The following SCAPER variants were observed in gnomAD, a reference collection of about 807,000 sequenced individuals.
The protein encoded by SCAPER is S-phase cyclin A associated protein in the ER.
SCAPER carries 98 observed loss-of-function variants against 182.2 expected under a neutral mutation model. That is an observed-to-expected ratio of 0.54 (90% CI 0.46 to 0.64). SCAPER has a LOEUF of 0.64. SCAPER is among the 30% of genes least tolerant of loss of function. SCAPER has a pLI of 0.00. For synonymous variants in SCAPER, 605 were observed against 564.6 expected (o/e 1.07, Z -1.01); for missense variants, 1,432 against 1,690.0 (o/e 0.85, Z 2.68).
rs545712525 is a variant in SCAPER at position 76,701,093 on chromosome 15, C to T, written c.2508+665G>A. The stretch of plus-strand genomic sequence containing the variant: ...ATGCTCTTGACTAATGAATGCCATA[C>T]CTAAAAAAAAAAAAAAGTTCAATAT... On this transcript the variant is annotated intron_variant, in intron 20 of 31. Transcript: ENST00000563290. Among the ~76,000 whole-genome samples, 273 of 54,648 alleles carry T rather than the reference C, an allele frequency of 5.0e-3. 2 individuals carry two copies. The highest frequency in any genetic ancestry group is 0.011 in the African/African-American group (254 of 23,344). The allele number at this position is 54,648 out of a possible 152,430, so 35.9% of individuals were successfully genotyped here.
chr15:76,704,083 A>G (rs1266988682), intron 18 of SCAPER, among the ~76,000 whole-genome samples: 1 of 152,248 alleles, frequency 6.6e-6, no homozygotes, highest in East Asian at 1.9e-4. Context: ...CTATAATTAT[A>G]CAATTCATAA....
In SCAPER at chr15:76,882,157, G is replaced by A. The variant is rs141874022; in HGVS notation, c.6+1655C>T. Among the ~76,000 whole-genome samples the A allele has an allele frequency of 6.7e-3, 1,017 of 152,262 alleles. 16 individuals are homozygous for A. The highest frequency in any genetic ancestry group is 0.023 in the African/African-American group (938 of 41,544). ...TGCCTGTAATCCCAGCCCTGTGGAA[G>A]AAGGCCAAAGCAGGAGGATCACTTG... On this transcript the variant is annotated intron_variant, in intron 2 of 31. Coordinates refer to ENST00000563290, the MANE Select transcript of SCAPER (RefSeq NM_020843.4).
At chr15:76,505,797 T>C (rs533749279) in intron 23 of SCAPER, among the ~76,000 whole-genome samples, 3 of 152,244 alleles carry the variant, frequency 2.0e-5, no homozygotes, top group East Asian at 1.9e-4. Flanking sequence ...CTCTCCCATA[T>C]TTACTACAGC....
intron 21 of SCAPER, among the ~76,000 whole-genome samples, chr15:76,664,515 T>C (rs936115167): frequency 6.6e-6 from 1 of 152,124 alleles, no homozygotes; most frequent in African/African-American, 2.4e-5. Context: ...CAGGTTTGTT[T>C]TGGACATACT....
At chr15:76,368,510 G>C (rs2041950954) in intron 29 of SCAPER, among the ~76,000 whole-genome samples, 1 of 152,232 alleles carries the variant, frequency 6.6e-6, no homozygotes, top group African/African-American at 2.4e-5. Context: ...ATGCAGCTCA[G>C]GCAGAACCAA....
In SCAPER at chr15:76,621,754, G is replaced by T; in HGVS notation, c.2711+10C>A. On this transcript the variant is annotated intron_variant, in intron 22 of 31. Transcript: ENST00000563290. ...TGAAGAAAAGGAGAACTAAAATGTGGAATACTCACTTTGCTTTATAAGGTG... is the reference window on the plus strand; with the variant it reads ...TGAAGAAAAGGAGAACTAAAATGTGTAATACTCACTTTGCTTTATAAGGTG... The T allele has an allele frequency of 6.3e-7, 1 of 1,598,850 alleles. No homozygotes were observed. The highest frequency in any genetic ancestry group is 8.5e-7 in the Non-Finnish European group (1 of 1,171,564).
chr15:76,608,093 C>G (rs529519515), intron 22 of SCAPER, among the ~76,000 whole-genome samples: 1 of 152,170 alleles, frequency 6.6e-6, no homozygotes, highest in South Asian at 2.1e-4. Context: ...GAGAGGCGCT[C>G]TGATTTTTAG....
At chr15:76,438,606 G>A (rs758979847) in intron 25 of SCAPER, among the ~76,000 whole-genome samples, 15 of 152,204 alleles carry the variant, frequency 9.9e-5, no homozygotes, top group Admixed American at 9.2e-4. Flanking sequence ...CAATCTAGCA[G>A]TTACACAAAG....
intron 25 of SCAPER, among the ~76,000 whole-genome samples, chr15:76,465,342 T>C (rs911111030): frequency 6.6e-5 from 10 of 152,112 alleles, no homozygotes; most frequent in African/African-American, 2.2e-4. Context: ...ATAAGGGTTC[T>C]GAAAGTATTC....
At position 76,681,078 on chromosome 15, in the gene SCAPER, A is replaced by T. The variant is rs570998075; in HGVS notation, c.2509-15289T>A. The stretch of plus-strand genomic sequence containing the variant: ...GGTGATAAATTTGTTCACTATCTTG[A>T]TCATGGTGATGGTTCCATGGTGTTA... On this transcript the variant is annotated intron_variant, in intron 20 of 31. Transcript: ENST00000563290. 2.6e-5 allele frequency among the ~76,000 whole-genome samples: 4 copies of T among 152,270 alleles called. No individual in the cohort carries two copies. The East Asian group carries it at 7.7e-4, about 29-fold the overall frequency.
rs572261583 is a variant in SCAPER at position 76,687,686 on chromosome 15, C to T, written c.2508+14072G>A. On this transcript the variant is annotated intron_variant, in intron 20 of 31. Coordinates refer to ENST00000563290, the MANE Select transcript of SCAPER (RefSeq NM_020843.4). ...GCTCCCACTTATGAGTGAGAACATG[C>T]GGTGTTTGGTTTTCTGTTCTTGTGT... 8.0e-4 allele frequency among the ~76,000 whole-genome samples: 122 copies of T among 152,196 alleles called. 7 individuals are homozygous for T. The South Asian group carries it at 0.021, about 27-fold the overall frequency.
chr15:76,732,602 A>G (rs1054458235), intron 16 of SCAPER, among the ~76,000 whole-genome samples: 1 of 152,060 alleles, frequency 6.6e-6, no homozygotes, highest in African/African-American at 2.4e-5. Flanking sequence ...AGTGTCAAGG[A>G]AAAACACCCA....
At chr15:76,806,248 G>C (rs2066152808) in intron 5 of SCAPER, among the ~76,000 whole-genome samples, 1 of 152,162 alleles carries the variant, frequency 6.6e-6, no homozygotes, top group Non-Finnish European at 1.5e-5. Context: ...AAATTCATTT[G>C]TTGCACACAG....
In SCAPER at chr15:76,348,420, C is replaced by G. The variant is rs2040312904; in HGVS notation, c.*213G>C. 2.7e-6 allele frequency: 1 copy of G among 372,722 alleles called. No homozygotes were observed. Among genetic ancestry groups the G allele is most frequent in the South Asian group, 7.4e-5 (1 of 13,452 alleles). The allele number at this position is 372,722 out of a possible 1,614,324, so 23.1% of individuals were successfully genotyped here. Reference sequence around the variant, plus strand: ...GGAAATTACCAAACTCCAAGATACTCTGCATAAATGAAATAAACTCAACTT... The same window carrying G: ...GGAAATTACCAAACTCCAAGATACTGTGCATAAATGAAATAAACTCAACTT... On this transcript the variant is annotated 3_prime_UTR_variant, in exon 32 of 32. Coordinates refer to ENST00000563290, the MANE Select transcript of SCAPER (RefSeq NM_020843.4).
At chr15:76,848,585 C>T (rs1013579355) in intron 4 of SCAPER, among the ~76,000 whole-genome samples, 2 of 152,008 alleles carry the variant, frequency 1.3e-5, no homozygotes, top group African/African-American at 2.4e-5. Context: ...CTGCCCACCT[C>T]GGCCTCCCAA....
At chr15:76,416,904 A>T (rs576594628) in intron 26 of SCAPER, among the ~76,000 whole-genome samples, 1 of 152,226 alleles carries the variant, frequency 6.6e-6, no homozygotes, top group African/African-American at 2.4e-5. Context: ...AAAGTGAATT[A>T]AAAAAGTATA....
chr15:76,379,117 T>C (rs941146145), intron 28 of SCAPER, among the ~76,000 whole-genome samples: 2 of 152,210 alleles, frequency 1.3e-5, no homozygotes, highest in East Asian at 1.9e-4. Flanking sequence ...TACGTAGTCA[T>C]TGGTATATTA....
intron 23 of SCAPER, among the ~76,000 whole-genome samples, chr15:76,569,744 G>T (rs1486387337): frequency 2.0e-5 from 3 of 151,342 alleles, no homozygotes; most frequent in Non-Finnish European, 4.4e-5. Context: ...TTCTCTCCAT[G>T]CTCAGTCTGG....
intron 24 of SCAPER, among the ~76,000 whole-genome samples, chr15:76,481,833 G>A (rs1045399381): frequency 1.3e-5 from 2 of 152,336 alleles, no homozygotes; most frequent in East Asian, 1.9e-4. Context: ...TCAAAAATAT[G>A]TCTGGATATG....
Sources: allele counts gnomAD v4.1 joint callset (sites outside exome capture counted in the v4.1 genomes callset), GRCh38; gene constraint gnomAD v4.1.1; transcripts MANE v1.5; gene names NCBI Gene and HGNC (gene_info 2026-07-23, HGNC 2026-07-21).